EPC2: variants seen among roughly 807,000 people sequenced by gnomAD.
EPC2 encodes the protein enhancer of polycomb 2, also known as enhancer of polycomb homolog 2.
EPC2 carries 14 observed loss-of-function variants against 92.1 expected under a neutral mutation model. That is an observed-to-expected ratio of 0.15 (90% CI 0.10 to 0.24). EPC2 has a LOEUF of 0.24. EPC2 is among the 10% of genes least tolerant of loss of function. The pLI is 1.00. For synonymous variants in EPC2, 340 were observed against 334.7 expected, an observed-to-expected ratio of 1.02 and a Z score of -0.17; for missense variants, 755 against 971.5, an observed-to-expected ratio of 0.78 and a Z score of 2.96.
intron 10 of EPC2, among the ~76,000 whole-genome samples, chr2:148,780,372 T>C (rs1289522715): frequency 6.6e-6 from 1 of 152,188 alleles, no homozygotes; most frequent in African/African-American, 2.4e-5. Flanking sequence ...GAAAATAGAC[T>C]GTACTAGGCA....
intron 1 of EPC2, among the ~76,000 whole-genome samples, chr2:148,651,327 T>C (rs1426487306): frequency 4.6e-5 from 7 of 152,204 alleles, no homozygotes; most frequent in Non-Finnish European, 1.5e-5. Flanking sequence ...CACTCTGATG[T>C]TGCTGACCAT....
chr2:148,752,108 C>G (rs576072859), intron 3 of EPC2, among the ~76,000 whole-genome samples: 1 of 152,172 alleles, frequency 6.6e-6, no homozygotes, highest in South Asian at 2.1e-4. Context: ...AATGTTAAAC[C>G]TGAGTATTGT....
At chr2:148,658,278 G>A (rs1341552876) in intron 1 of EPC2, among the ~76,000 whole-genome samples, 1 of 152,114 alleles carries the variant, frequency 6.6e-6, no homozygotes, top group African/African-American at 2.4e-5. Context: ...TTCTTGTGCT[G>A]AGGAACACCG....
At chr2:148,768,695 G>A (rs1683462167) in intron 7 of EPC2, among the ~76,000 whole-genome samples, 1 of 151,832 alleles carries the variant, frequency 6.6e-6, no homozygotes, top group African/African-American at 2.4e-5. Context: ...TTTTTGTTGT[G>A]GTGATTTTTT....
chr2:148,707,674 A>G (rs1682032407), intron 2 of EPC2, among the ~76,000 whole-genome samples: 3 of 152,248 alleles, frequency 2.0e-5, no homozygotes, highest in African/African-American at 7.2e-5. Flanking sequence ...CAATCAAATT[A>G]GAACTCAGGA....
intron 1 of EPC2, among the ~76,000 whole-genome samples, chr2:148,654,394 T>TA (rs1680747648): frequency 1.3e-5 from 2 of 152,372 alleles, no homozygotes; most frequent in South Asian, 2.1e-4. Flanking sequence ...TATTCTGTGA[T>TA]AGAGTTTCAC....
At chr2:148,739,818 T>A (rs950858520) in intron 2 of EPC2, among the ~76,000 whole-genome samples, 1 of 141,734 alleles carries the variant, frequency 7.1e-6, no homozygotes, top group African/African-American at 2.6e-5. Context: ...TTCTTCCTTT[T>A]CTTTTCTTCT....
intron 1 of EPC2, among the ~76,000 whole-genome samples, chr2:148,672,249 A>G (rs1292034708): frequency 1.3e-5 from 2 of 152,130 alleles, no homozygotes; most frequent in Admixed American, 6.5e-5. Context: ...CTTTTGTCTG[A>G]TAGAAGTATG....
At chr2:148,750,236 A>C (rs1683061460) in intron 3 of EPC2, among the ~76,000 whole-genome samples, 1 of 152,138 alleles carries the variant, frequency 6.6e-6, no homozygotes, top group Non-Finnish European at 1.5e-5. Context: ...ATCCTTCTAA[A>C]ATAGTCATCT....
chr2:148,658,655 A>G (rs1229059358), intron 1 of EPC2, among the ~76,000 whole-genome samples: 1 of 148,084 alleles, frequency 6.8e-6, no homozygotes. Context: ...TTTCAGTTCT[A>G]TTTTGTTAAA....
intron 2 of EPC2, among the ~76,000 whole-genome samples, chr2:148,700,403 G>C (rs1681847838): frequency 6.6e-6 from 1 of 151,832 alleles, no homozygotes; most frequent in Admixed American, 6.6e-5. Context: ...TTTTGTGAAG[G>C]GTATAAGTTC....
intron 2 of EPC2, among the ~76,000 whole-genome samples, chr2:148,737,097 CAAGA>C (rs1682773327): frequency 1.3e-5 from 2 of 152,114 alleles, no homozygotes; most frequent in African/African-American, 4.8e-5. Flanking sequence ...GACCATGTCT[CAAGA>C]AAGAAATAAA....
chr2:148,720,214 A>G (rs1483635432), intron 2 of EPC2, among the ~76,000 whole-genome samples: 3 of 152,244 alleles, frequency 2.0e-5, no homozygotes, highest in African/African-American at 7.2e-5. Flanking sequence ...AATCTGGTCA[A>G]TATCTGGCAA....
chr2:148,785,592 C>T (rs1007367409), intron 13 of EPC2, among the ~76,000 whole-genome samples: 2 of 152,162 alleles, frequency 1.3e-5, no homozygotes, highest in Non-Finnish European at 2.9e-5. Context: ...TCCCAAAGTG[C>T]TGGGATTACA....
intron 1 of EPC2, among the ~76,000 whole-genome samples, chr2:148,662,682 C>T (rs989850993): frequency 4.6e-5 from 7 of 151,028 alleles, no homozygotes; most frequent in South Asian, 4.2e-4. Context: ...TGGGGGGAGG[C>T]GGGAGGAATA....
At chr2:148,743,156 A>G (rs1682912913) in intron 2 of EPC2, among the ~76,000 whole-genome samples, 1 of 152,022 alleles carries the variant, frequency 6.6e-6, no homozygotes, top group African/African-American at 2.4e-5. Flanking sequence ...TAGGGTAGGA[A>G]TTCAGCTTAA....
intron 2 of EPC2, among the ~76,000 whole-genome samples, chr2:148,694,039 C>T (rs1308081980): frequency 2.0e-5 from 3 of 151,978 alleles, no homozygotes; most frequent in African/African-American, 4.8e-5. Flanking sequence ...GTTAGGTGTG[C>T]AGTTAAATAT....
chr2:148,745,754 T>C (rs976310461), intron 3 of EPC2, among the ~76,000 whole-genome samples: 2 of 152,154 alleles, frequency 1.3e-5, no homozygotes, highest in African/African-American at 2.4e-5. Context: ...ATGGATCTCT[T>C]TACTTTTCCT....
At chr2:148,701,499 A>G (rs1199491652) in intron 2 of EPC2, among the ~76,000 whole-genome samples, 3 of 152,184 alleles carry the variant, frequency 2.0e-5, no homozygotes, top group East Asian at 1.9e-4. Flanking sequence ...CTTTTTCTAC[A>G]TCTATTGATA....
Sources: allele counts gnomAD v4.1 joint callset (sites outside exome capture counted in the v4.1 genomes callset), GRCh38; gene constraint gnomAD v4.1.1; transcripts MANE v1.5; gene names NCBI Gene and HGNC (gene_info 2026-07-23, HGNC 2026-07-21).